The following TNRC6A variants were observed in gnomAD, a reference collection of about 807,000 sequenced individuals.
TNRC6A encodes trinucleotide repeat-containing gene 6A protein.
TNRC6A carries 44 observed loss-of-function variants against 221.2 expected under a neutral mutation model. The ratio of observed to expected loss-of-function variants is 0.20; its 90% CI spans 0.16 to 0.26. The LOEUF is 0.26. Ranked by LOEUF, TNRC6A falls within the 10% of genes least tolerant of loss-of-function variation. TNRC6A has a pLI of 1.00. For missense variants in TNRC6A, 2,199 were observed against 2,404.4 expected (o/e 0.91, Z 1.79); for synonymous variants, 847 against 838.5 (o/e 1.01, Z -0.18).
At chr16:24,627,859 G>A (rs932404717) in intron 1 of TNRC6A, among the ~76,000 whole-genome samples, 26 of 151,040 alleles carry the variant, frequency 1.7e-4, no homozygotes, top group Admixed American at 7.9e-4. Flanking sequence ...CCCCATGCCC[G>A]GCTAATTATT....
rs1471072572 is a variant in TNRC6A at position 24,797,557 on chromosome 16, A to G, written c.3629A>G (p.Asn1210Ser). 1 of 1,611,432 alleles carries G rather than the reference A, an allele frequency of 6.2e-7. No homozygotes were observed. Among genetic ancestry groups the G allele is most frequent in the Admixed American group, 1.7e-5 (1 of 59,502 alleles). Residue 1210 changes from asparagine to serine, a missense_variant, in exon 10 of 25, where the codon AAC (asparagine) becomes AGC (serine). Transcript: ENST00000395799. ...AATCCATTTGTTAAACAGTTTTCAA[A>G]CATCAGTTTTTCGGTAAGTATGTTT... is the stretch of plus-strand genomic sequence containing the variant. Reference protein sequence around the residue: ...WINPFVKQFSNISFSRDSPEE... With the variant: ...WINPFVKQFSSISFSRDSPEE...
At chr16:24,640,413 A>AG (rs1021382462) in intron 1 of TNRC6A, among the ~76,000 whole-genome samples, 9 of 93,584 alleles carry the variant, frequency 9.6e-5, no homozygotes, top group Non-Finnish European at 1.9e-4. Context: ...AAAAAGAAAG[A>AG]AAAAAAAAAA....
intron 2 of TNRC6A, among the ~76,000 whole-genome samples, chr16:24,714,978 G>A (rs1438473109): frequency 1.3e-5 from 2 of 150,224 alleles, no homozygotes; most frequent in Admixed American, 1.3e-4. Flanking sequence ...CCGGGTTCAC[G>A]CCATTCTCCT....
At chr16:24,757,879 G>T (rs536923778) in intron 3 of TNRC6A, among the ~76,000 whole-genome samples, 1 of 152,124 alleles carries the variant, frequency 6.6e-6, no homozygotes, top group African/African-American at 2.4e-5. Context: ...TACTAATTTG[G>T]CTAAAGTGAT....
intron 1 of TNRC6A, among the ~76,000 whole-genome samples, chr16:24,637,925 C>T (rs1053159119): frequency 6.6e-6 from 1 of 152,078 alleles, no homozygotes; most frequent in Non-Finnish European, 1.5e-5. Context: ...TCTGGGACTA[C>T]CAGCTCGCGC....
At chr16:24,630,188 A>G (rs1230455617) in intron 1 of TNRC6A, among the ~76,000 whole-genome samples, 2 of 152,090 alleles carry the variant, frequency 1.3e-5, no homozygotes, top group Non-Finnish European at 2.9e-5. Flanking sequence ...CTCTCCTTTT[A>G]TAGTAGAGGA....
intron 2 of TNRC6A, chr16:24,663,833 ATGT>A (rs756591052): frequency 2.3e-6 from 1 of 443,296 alleles, no homozygotes; most frequent in Non-Finnish European, 4.5e-6. Flanking sequence ...ACCATAAATC[ATGT>A]TGTTAGCATC....
intron 2 of TNRC6A, among the ~76,000 whole-genome samples, chr16:24,687,290 T>C (rs1035820306): frequency 6.6e-6 from 1 of 152,158 alleles, no homozygotes; most frequent in African/African-American, 2.4e-5. Context: ...GTGCCTCCTT[T>C]CTCCATCTTA....
rs1355733260 is a variant in TNRC6A at position 24,660,747 on chromosome 16, T to C, written n.402+19738T>C. On this transcript the variant is annotated intron_variant and non_coding_transcript_variant, in intron 2 of 2. Transcript: ENST00000566108. ...TTTTTTCTTTTTTTTTTCTTTTTTT[T>C]TTTTTTTTTTTTGAGACGGAGTCTC... Among the ~76,000 whole-genome samples, 20 of 136,848 alleles carry C rather than the reference T, an allele frequency of 1.5e-4. 4 individuals carry two copies. The highest frequency in any genetic ancestry group is 2.9e-4 in the Admixed American group (4 of 13,770). The allele number at this position is 136,848 out of a possible 152,430, so 89.8% of individuals were successfully genotyped here.
intron 2 of TNRC6A, among the ~76,000 whole-genome samples, chr16:24,747,200 G>A (rs1464460610): frequency 2.0e-5 from 3 of 152,136 alleles, no homozygotes; most frequent in Admixed American, 2.0e-4. Context: ...GAGTGTGTAG[G>A]TGAATGATTT....
intron 1 of TNRC6A, among the ~76,000 whole-genome samples, chr16:24,616,832 A>G (rs73562551): frequency 0.03 from 4,511 of 152,194 alleles, 228 homozygotes; most frequent in African/African-American, 0.1. Flanking sequence ...GAGGCAGGAG[A>G]ACCGCTTGAA....
At chr16:24,778,576 G>A (rs2057775169) in intron 5 of TNRC6A, 17 of 836,770 alleles carry the variant, frequency 2.0e-5, no homozygotes, top group Non-Finnish European at 2.4e-5. Context: ...TTACCTGTGT[G>A]AGCTTGGCCA....
chr16:24,634,263 C>CA (rs1390568749), intron 1 of TNRC6A, among the ~76,000 whole-genome samples: 6 of 151,918 alleles, frequency 3.9e-5, no homozygotes, highest in South Asian at 2.1e-4. Flanking sequence ...CCCATCTCTA[C>CA]AAAAAAATAC....
chr16:24,789,630 G>A lies in TNRC6A; in HGVS notation c.988G>A (p.Ala330Thr). ...IISTCQVSVD[A>T]PESKSESSNN... ...AAGCACATGTCAGGTCTCTGTGGAT[G>A]CTCCTGAAAGCAAATCTGAAAGTAG... Residue 330 changes from alanine (A) to threonine (T), a missense_variant, in exon 6 of 25, where the codon GCT (alanine) becomes ACT (threonine). By Grantham distance (58) the Ala-to-Thr change is moderately conservative. Coordinates refer to ENST00000395799, the MANE Select transcript of TNRC6A (RefSeq NM_014494.4). The A allele has an allele frequency of 6.2e-7, 1 of 1,614,170 alleles. No individual in the cohort carries two copies. The highest frequency in any genetic ancestry group is 1.1e-5 in the South Asian group (1 of 91,082).
chr16:24,676,973 G>T (rs960916484), intron 2 of TNRC6A, among the ~76,000 whole-genome samples: 1 of 151,862 alleles, frequency 6.6e-6, no homozygotes, highest in Non-Finnish European at 1.5e-5. Flanking sequence ...CACTGGTATG[G>T]CTTTAAATAT....
In TNRC6A at chr16:24,794,567, T is replaced by C. The variant is rs1331923801; in HGVS notation, c.3376T>C (p.Trp1126Arg). 1 of 1,613,282 alleles carries C rather than the reference T, an allele frequency of 6.2e-7. No individual in the cohort carries two copies. The highest frequency in any genetic ancestry group is 8.5e-7 in the Non-Finnish European group (1 of 1,179,776). The change falls in exon 8 of 25, where the codon TGG (tryptophan) becomes CGG (arginine). Residue 1126 changes from tryptophan (W) to arginine (R), a missense_variant. By Grantham distance (101) the Trp-to-Arg change is moderately radical. Transcript: ENST00000395799. ...AGGGCCAAAATCTATGCAAGATGGC[T>C]GGTGTGGTGATGATATGCCATTGCC... is the stretch of plus-strand genomic sequence containing the variant. The part of the protein sequence containing the change: ...KSGPKSMQDG[W>R]CGDDMPLPGN...
At chr16:24,821,453 T>G (rs1044355300) in intron 22 of TNRC6A, among the ~76,000 whole-genome samples, 1 of 151,374 alleles carries the variant, frequency 6.6e-6, no homozygotes, top group Non-Finnish European at 1.5e-5. Context: ...TTGCAGGGAG[T>G]GGAGGAGGAT....
chr16:24,758,227 G>T, intron 3 of TNRC6A, 112 bp from the exon 4 acceptor site: 1 of 1,057,056 alleles, frequency 9.5e-7, no homozygotes. Context: ...GAAATTCCTT[G>T]TTTAATAAAG....
At chr16:24,655,482 A>G (rs1008458481) in intron 2 of TNRC6A, among the ~76,000 whole-genome samples, 2 of 152,140 alleles carry the variant, frequency 1.3e-5, no homozygotes, top group Non-Finnish European at 2.9e-5. Context: ...TGAGGTCAGG[A>G]GTTCGAGACC....
Sources: allele counts gnomAD v4.1 joint callset (sites outside exome capture counted in the v4.1 genomes callset), GRCh38; gene constraint gnomAD v4.1.1; transcripts MANE v1.5; gene names NCBI Gene and HGNC (gene_info 2026-07-23, HGNC 2026-07-21).